TRRAP: variants seen among roughly 807,000 people sequenced by gnomAD.
The protein encoded by TRRAP is transformation/transcription domain associated protein.
Under a neutral mutation model 438.8 loss-of-function variants are expected in TRRAP, and 41 were observed. That is an observed-to-expected ratio of 0.09 (90% CI 0.07 to 0.12). The LOEUF (loss-of-function observed/expected upper bound fraction) is 0.12. Among genes scored for constraint, TRRAP ranks in the 10% least tolerant of loss-of-function variants. The probability of loss-of-function intolerance (pLI) is 1.00; values close to 1 mark genes in which losing one functional copy is unlikely to be tolerated. For missense variants in TRRAP, 3,122 were observed against 5,055.1 expected, an observed-to-expected ratio of 0.62 and a Z score of 11.60; for synonymous variants, 1,994 against 1,962.9, an observed-to-expected ratio of 1.02 and a Z score of -0.42.
intron 69 of TRRAP, among the ~76,000 whole-genome samples, chr7:99,007,506 G>A (rs866778942): frequency 7.6e-5 from 11 of 143,970 alleles, no homozygotes; most frequent in African/African-American, 2.3e-4. Context: ...GCACCACCAC[G>A]CCTGGCTAAT....
intron 3 of TRRAP, among the ~76,000 whole-genome samples, chr7:98,889,727 A>C (rs1795882824): frequency 6.6e-6 from 1 of 151,768 alleles, no homozygotes; most frequent in African/African-American, 2.4e-5. Context: ...TTTTTAAAAA[A>C]AATTTTTTGT....
Position 98,948,283 on chromosome 7 carries a change from A to G in TRRAP, c.4611A>G (p.Thr1537=), listed in dbSNP as rs781787820. Reference sequence around the variant, plus strand: ...ATCTGATCCCGGCTGCTCCTCAGACACTGGTGAAGCCTTTGCTAGAGGTTG... The same window carrying G: ...ATCTGATCCCGGCTGCTCCTCAGACGCTGGTGAAGCCTTTGCTAGAGGTTG... ...LFHLIPAAPQ[T]LVKPLLEVVM... Residue 1537 remains threonine, a synonymous_variant, in exon 34 of 73, where the codon ACA becomes ACG. Coordinates refer to ENST00000456197, the MANE Select transcript of TRRAP (RefSeq NM_001375524.1). This position sits in a 1 kb window ranked among gnomAD's most constrained non-coding sequence, Gnocchi z 4.9. 1 of 1,614,212 alleles carries G rather than the reference A, an allele frequency of 6.2e-7. No homozygotes were observed.
intron 67 of TRRAP, among the ~76,000 whole-genome samples, chr7:98,995,467 G>C (rs569644613): frequency 7.6e-4 from 115 of 152,066 alleles, no homozygotes; most frequent in Non-Finnish European, 1.4e-3. Flanking sequence ...TGTGGATTCT[G>C]GGCATCGTAA....
In TRRAP at chr7:99,011,353, C is replaced by T; in HGVS notation, c.11155C>T (p.Leu3719=). The T allele has an allele frequency of 1.2e-6, 2 of 1,614,076 alleles. No homozygotes were observed. Among genetic ancestry groups the T allele is most frequent in the Non-Finnish European group, 1.7e-6 (2 of 1,179,932 alleles). ...TTCTGAAATTTAGGACACTGGCAAA[C>T]TGAATGTTGCCTACTTTCGATTTGA... ...MLQIAQDTGK[L]NVAYFRFDIN... The change falls in exon 72 of 73, where the codon CTG becomes TTG. Residue 3719 remains leucine (L), a synonymous_variant. Coordinates refer to ENST00000456197, the MANE Select transcript of TRRAP (RefSeq NM_001375524.1). The surrounding 1 kb of genome is among the most constrained non-coding windows in gnomAD (Gnocchi z 7.1).
Position 98,984,945 on chromosome 7 carries a change from G to T in TRRAP, c.9290G>T (p.Gly3097Val). Reference protein sequence around the residue: ...GVMGKNECMQGLEVIESTNLK... With the variant: ...GVMGKNECMQVLEVIESTNLK... Reference sequence around the variant, plus strand: ...TTTCTGCTCATTTTTTTTGAACAGGGCCTTGAAGTTATTGAATCTACAAAT... The same window carrying T: ...TTTCTGCTCATTTTTTTTGAACAGGTCCTTGAAGTTATTGAATCTACAAAT... The change falls in exon 62 of 73, where the codon GGC becomes GTC. Residue 3097 changes from glycine to valine, a missense_variant and splice_region_variant. Coordinates refer to ENST00000456197, the MANE Select transcript of TRRAP (RefSeq NM_001375524.1). 6.2e-7 allele frequency: 1 copy of T among 1,605,660 alleles called. No homozygotes were observed. The highest frequency in any genetic ancestry group is 8.5e-7 in the Non-Finnish European group (1 of 1,175,106).
intron 39 of TRRAP, among the ~76,000 whole-genome samples, chr7:98,951,838 C>A (rs1246619155): frequency 1.3e-5 from 2 of 152,172 alleles, no homozygotes; most frequent in Non-Finnish European, 2.9e-5. Context: ...TATTCTTGGT[C>A]CCCGTACTGA....
chr7:98,991,361 T>C (rs548794018), intron 64 of TRRAP, among the ~76,000 whole-genome samples: 1 of 152,344 alleles, frequency 6.6e-6, no homozygotes, highest in South Asian at 2.1e-4. Context: ...CACCCATTCC[T>C]CTGGCTCCTT....
intron 4 of TRRAP, among the ~76,000 whole-genome samples, chr7:98,890,812 C>T (rs1462210311): frequency 1.3e-5 from 1 of 79,390 alleles, no homozygotes; most frequent in African/African-American, 4.4e-5. Flanking sequence ...TTTTAAAAGA[C>T]AAGGTCTCAC....
Position 98,906,229 on chromosome 7 carries a change from A to G in TRRAP, c.1089A>G (p.Ser363=), listed in dbSNP as rs1554407497. The change falls in exon 13 of 73, where the codon TCA becomes TCG. Residue 363 remains serine, a synonymous_variant. Coordinates refer to ENST00000456197, the MANE Select transcript of TRRAP (RefSeq NM_001375524.1). ...KLFDESILIG[S]GYTARETLRP... ...TTGATGAATCCATACTAATTGGCTC[A>G]GGATATACTGCCAGAGAGACTCTAA... 1 of 1,613,994 alleles carries G rather than the reference A, an allele frequency of 6.2e-7. No homozygotes were observed. The highest frequency in any genetic ancestry group is 8.5e-7 in the Non-Finnish European group (1 of 1,179,908).
chr7:98,906,479 C>A (rs1429742193), intron 13 of TRRAP, among the ~76,000 whole-genome samples: 1 of 151,744 alleles, frequency 6.6e-6, no homozygotes, highest in Non-Finnish European at 1.5e-5. Context: ...GTCACCCGGG[C>A]TGGAGTATAG....
At chr7:98,916,958 C>T (rs1481916905) in intron 19 of TRRAP, among the ~76,000 whole-genome samples, 2 of 152,158 alleles carry the variant, frequency 1.3e-5, no homozygotes, top group African/African-American at 4.8e-5. Flanking sequence ...TAGCCAGCCT[C>T]AGCTCTCAGT....
intron 58 of TRRAP, among the ~76,000 whole-genome samples, chr7:98,979,521 C>T (rs1451344241): frequency 6.6e-6 from 1 of 152,200 alleles, no homozygotes; most frequent in Non-Finnish European, 1.5e-5. Flanking sequence ...TTTCCATCCA[C>T]AGTTGGTCAA....
rs1350634841 is a variant in TRRAP at position 98,965,817 on chromosome 7, A to G, written c.7098A>G (p.Pro2366=). ...AILTSLIEKS[P]DAKILRAVVK... The stretch of plus-strand genomic sequence containing the variant: ...TGACATCCCTCATCGAAAAATCACC[A>G]GATGCCAAAATCCTCCGGGCTGTGG... Residue 2366 remains proline, a synonymous_variant, in exon 49 of 73, where the codon CCA becomes CCG. Transcript: ENST00000456197. 1 of 1,614,164 alleles carries G rather than the reference A, an allele frequency of 6.2e-7. No homozygotes were observed. The highest frequency in any genetic ancestry group is 8.5e-7 in the Non-Finnish European group (1 of 1,180,024).
At chr7:98,907,247 C>T (rs1554407656) in intron 13 of TRRAP, among the ~76,000 whole-genome samples, 1 of 151,842 alleles carries the variant, frequency 6.6e-6, no homozygotes, top group East Asian at 1.9e-4. Context: ...CGCTTGAACC[C>T]AGGAGGTAGA....
chr7:98,978,732 T>C (rs774476861), intron 57 of TRRAP, 37 bp from the exon 58 acceptor site: 1 of 1,613,468 alleles, frequency 6.2e-7, no homozygotes, highest in East Asian at 2.2e-5. Flanking sequence ...AGTGTGCTGG[T>C]GATTGAGCTT....
At chr7:98,927,080 C>A in intron 22 of TRRAP, 87 bp from the exon 23 acceptor site, 2 of 1,415,878 alleles carry the variant, frequency 1.4e-6, no homozygotes, top group Non-Finnish European at 2.0e-6. Context: ...GGGAAGCAAG[C>A]AGATTAAAAA....
At chr7:99,000,157 G>T (rs1793849526) in intron 67 of TRRAP, among the ~76,000 whole-genome samples, 1 of 152,086 alleles carries the variant, frequency 6.6e-6, no homozygotes, top group African/African-American at 2.4e-5. Context: ...ACAGGTGCAC[G>T]TGCCACCACA....
Position 98,921,848 on chromosome 7 carries a change from G to C in TRRAP, c.2718G>C (p.Leu906=). 1 of 1,614,224 alleles carries C rather than the reference G, an allele frequency of 6.2e-7. No homozygotes were observed. Among genetic ancestry groups the C allele is most frequent in the East Asian group, 2.2e-5 (1 of 44,892 alleles). ...GKFGGSNRKM[L]KESQKLHYVV... Reference sequence around the variant, plus strand: ...TTGGCGGCAGTAACAGGAAGATGCTGAAGGAGTCGCAGAAGCTGCACTACG... The same window carrying C: ...TTGGCGGCAGTAACAGGAAGATGCTCAAGGAGTCGCAGAAGCTGCACTACG... The change falls in exon 21 of 73, where the codon CTG becomes CTC. Residue 906 remains leucine (L), a synonymous_variant. Transcript: ENST00000456197.
At position 98,955,259 on chromosome 7, in the gene TRRAP, C is replaced by A; in HGVS notation, c.5892C>A (p.Val1964=). 6.2e-7 allele frequency: 1 copy of A among 1,614,110 alleles called. No homozygotes were observed. The highest frequency in any genetic ancestry group is 1.1e-5 in the South Asian group (1 of 91,080). The change falls in exon 41 of 73, where the codon GTC becomes GTA. Residue 1964 remains valine (V), a synonymous_variant. Transcript: ENST00000456197. The part of the protein sequence containing the change: ...RKIIVEEGHT[V]PQLVHILHLI... ...TCATTGTGGAGGAGGGGCACACCGT[C>A]CCGCAGCTGGTCCACATTCTGCACC...
Sources: allele counts gnomAD v4.1 joint callset (sites outside exome capture counted in the v4.1 genomes callset), GRCh38; gene constraint gnomAD v4.1.1; non-coding constraint Gnocchi (gnomAD v3.1); transcripts MANE v1.5; gene names NCBI Gene and HGNC (gene_info 2026-07-23, HGNC 2026-07-21).